Variants in CTNNBL1 observed in about 807,000 individuals in gnomAD.
The protein encoded by CTNNBL1 is catenin beta like 1, also known as beta-catenin-like protein 1.
A neutral mutation model predicts 72.7 loss-of-function variants in CTNNBL1; 31 were observed. That is an observed-to-expected ratio of 0.43 (90% CI 0.32 to 0.58). CTNNBL1 has a LOEUF of 0.58. Among genes scored for constraint, CTNNBL1 ranks in the 20% least tolerant of loss-of-function variants. CTNNBL1 has a pLI of 0.08. For synonymous variants in CTNNBL1, 240 were observed against 267.3 expected, an observed-to-expected ratio of 0.90 and a Z score of 1.00; for missense variants, 534 against 725.1, an observed-to-expected ratio of 0.74 and a Z score of 3.03.
At chr20:37,843,075 A>G (rs560855204) in intron 13 of CTNNBL1, among the ~76,000 whole-genome samples, 4 of 152,250 alleles carry the variant, frequency 2.6e-5, no homozygotes, top group Non-Finnish European at 4.4e-5. Flanking sequence ...TTTGTTCTCC[A>G]CCATCTCTGG....
intron 10 of CTNNBL1, among the ~76,000 whole-genome samples, chr20:37,785,192 T>C (rs1028222542): frequency 2.0e-5 from 3 of 152,204 alleles, no homozygotes; most frequent in Non-Finnish European, 4.4e-5. Context: ...TAGGATCCTT[T>C]GTTTATCCTT....
intron 11 of CTNNBL1, among the ~76,000 whole-genome samples, chr20:37,812,331 A>G (rs1312933350): frequency 6.6e-6 from 1 of 152,220 alleles, no homozygotes; most frequent in Non-Finnish European, 1.5e-5. Context: ...ATGTTTACAT[A>G]TAGGATATAA....
intron 5 of CTNNBL1, among the ~76,000 whole-genome samples, chr20:37,763,751 G>C (rs536210569): frequency 6.6e-6 from 1 of 151,926 alleles, no homozygotes; most frequent in African/African-American, 2.4e-5. Context: ...AAAAAGTAGA[G>C]TTGGAGTTGG....
intron 6 of CTNNBL1, among the ~76,000 whole-genome samples, chr20:37,767,564 CCT>C (rs1011325644): frequency 6.6e-6 from 1 of 152,166 alleles, no homozygotes; most frequent in African/African-American, 2.4e-5. Flanking sequence ...TTCACCAGAC[CCT>C]GAGTTTTCCC....
At chr20:37,811,552 G>T (rs899358956) in intron 11 of CTNNBL1, among the ~76,000 whole-genome samples, 2 of 152,174 alleles carry the variant, frequency 1.3e-5, no homozygotes, top group African/African-American at 4.8e-5. Flanking sequence ...TAGGGATGCT[G>T]AAATAAACAA....
At chr20:37,815,829 G>A (rs1007863102) in intron 11 of CTNNBL1, among the ~76,000 whole-genome samples, 2 of 152,216 alleles carry the variant, frequency 1.3e-5, no homozygotes, top group Admixed American at 6.5e-5. Context: ...TAATGTGAAA[G>A]GGAGTAAACT....
chr20:37,753,664 G>T (rs2073339365), intron 4 of CTNNBL1, among the ~76,000 whole-genome samples: 1 of 152,202 alleles, frequency 6.6e-6, no homozygotes. Context: ...AGCGCTTTGG[G>T]CATTCTGTGG....
chr20:37,756,776 T>C (rs2073369103), intron 4 of CTNNBL1, among the ~76,000 whole-genome samples: 1 of 151,680 alleles, frequency 6.6e-6, no homozygotes, highest in Admixed American at 6.6e-5. Context: ...TTTCTGGGAC[T>C]ACAGGCATGT....
intron 1 of CTNNBL1, among the ~76,000 whole-genome samples, chr20:37,722,096 G>C (rs563006914): frequency 1.3e-5 from 2 of 152,052 alleles, no homozygotes; most frequent in Non-Finnish European, 2.9e-5. Flanking sequence ...ATGAGGTTGG[G>C]CTACTTTTTA....
chr20:37,735,536 T>C (rs972431331), intron 2 of CTNNBL1, among the ~76,000 whole-genome samples: 5 of 152,200 alleles, frequency 3.3e-5, no homozygotes, highest in Admixed American at 3.3e-4. Context: ...GGCTAGTAAG[T>C]AGTGAAGCTA....
intron 10 of CTNNBL1, among the ~76,000 whole-genome samples, chr20:37,781,704 CT>C (rs1293266147): frequency 6.6e-6 from 1 of 152,138 alleles, no homozygotes; most frequent in Non-Finnish European, 1.5e-5. Context: ...CCTTTCTGAT[CT>C]TCTAGTAAGA....
intron 1 of CTNNBL1, among the ~76,000 whole-genome samples, chr20:37,724,267 C>A (rs997395326): frequency 2.6e-5 from 4 of 152,156 alleles, no homozygotes; most frequent in Non-Finnish European, 5.9e-5. Context: ...CCCCTCTTCT[C>A]CTCTGTTGCC....
At chr20:37,731,257 C>T (rs867538673) in intron 1 of CTNNBL1, among the ~76,000 whole-genome samples, 50 of 149,208 alleles carry the variant, frequency 3.4e-4, no homozygotes, top group East Asian at 7.8e-4. Flanking sequence ...TTTTTTGAGA[C>T]GGAGTTTCAC....
At chr20:37,836,294 C>T (rs6067800) in intron 11 of CTNNBL1, among the ~76,000 whole-genome samples, 53,486 of 152,002 alleles carry the variant, frequency 0.35, 9,844 homozygotes, top group Admixed American at 0.48. Context: ...TTGGTGTAAA[C>T]TCAGATCCAA....
chr20:37,702,792 G>A (rs919421780), intron 1 of CTNNBL1, among the ~76,000 whole-genome samples: 1 of 152,078 alleles, frequency 6.6e-6, no homozygotes, highest in Non-Finnish European at 1.5e-5. Context: ...TTACTAAACT[G>A]TAGACTTAGA....
chr20:37,697,619 C>T (rs2072805291), intron 1 of CTNNBL1, among the ~76,000 whole-genome samples: 1 of 152,212 alleles, frequency 6.6e-6, no homozygotes, highest in Admixed American at 6.5e-5. Context: ...TAGATACCTT[C>T]ATTCAACCCA....
rs6012862 is a variant in CTNNBL1 at position 37,702,470 on chromosome 20, C to A, written c.30+8318C>A. The stretch of plus-strand genomic sequence containing the variant: ...TCCTTCATTCTGTGAAGGCCTCATC[C>A]CAGTAGCCCTAAGAATATGATTCTA... On this transcript the variant is annotated intron_variant, in intron 1 of 15. Coordinates refer to ENST00000361383, the MANE Select transcript of CTNNBL1 (RefSeq NM_030877.5). Among the ~76,000 whole-genome samples, 1,330 of 152,208 alleles carry A rather than the reference C, an allele frequency of 8.7e-3. 18 individuals are homozygous for A. Among genetic ancestry groups the A allele is most frequent in the African/African-American group, 0.03 (1,254 of 41,518 alleles).
In CTNNBL1 at chr20:37,820,574, A is replaced by T. The variant is rs143719584; in HGVS notation, c.1213+17526A>T. On this transcript the variant is annotated intron_variant, in intron 11 of 15. Coordinates refer to ENST00000361383, the MANE Select transcript of CTNNBL1 (RefSeq NM_030877.5). ...AAGGGACTTGGTGGAAGGTGATTGG[A>T]TCTTGGGGCCAGTTTCCCCCAATCT... Among the ~76,000 whole-genome samples the T allele has an allele frequency of 5.1e-4, 77 of 152,218 alleles. 1 individual carries two copies. The East Asian group carries it at 0.01, about 20-fold the overall frequency.
In CTNNBL1 at chr20:37,733,031, G is replaced by A; in HGVS notation, c.183G>A (p.Gln61=). Residue 61 remains glutamine, a synonymous_variant, in exon 2 of 16, where the codon CAG becomes CAA. Transcript: ENST00000361383. ...EADDDKKRLL[Q]IIDRDGEEEE... ...ATGATGACAAAAAAAGGCTGCTGCA[G>A]ATTATTGACAGAGATGGGGAAGAGG... The A allele has an allele frequency of 6.2e-7, 1 of 1,613,804 alleles. No individual in the cohort carries two copies. The highest frequency in any genetic ancestry group is 8.5e-7 in the Non-Finnish European group (1 of 1,179,982).
Sources: gnomAD v4.1 joint callset for allele counts (sites outside exome capture counted in the v4.1 genomes callset) on GRCh38, gnomAD v4.1.1 for gene constraint, MANE v1.5 for transcripts, NCBI Gene and HGNC (gene_info 2026-07-23, HGNC 2026-07-21) for gene names.